Variants in HS6ST2 observed in about 807,000 individuals in gnomAD.
The protein encoded by HS6ST2 is heparan-sulfate 6-O-sulfotransferase 2.
HS6ST2 carries 17 observed loss-of-function variants against 33.0 expected under a neutral mutation model. The observed-to-expected ratio is 0.52, with a 90% CI of 0.35 to 0.77. The LOEUF is 0.77. HS6ST2 is among the 30% of genes least tolerant of loss of function. The pLI is 0.01. For synonymous variants in HS6ST2, 248 were observed against 237.1 expected (o/e 1.05, Z -0.42); for missense variants, 519 against 551.7 (o/e 0.94, Z 0.59).
intron 3 of HS6ST2, among the ~76,000 whole-genome samples, chrX:132,694,154 C>T (rs2064086743): frequency 9.0e-6 from 1 of 111,503 alleles, no homozygotes; most frequent in Non-Finnish European, 1.9e-5. Context: ...CAGACTCGAG[C>T]GGTGCACAGC....
intron 2 of HS6ST2, among the ~76,000 whole-genome samples, chrX:132,886,971 C>A (rs2066259252): frequency 9.1e-6 from 1 of 110,420 alleles, no homozygotes; most frequent in African/African-American, 3.3e-5. Flanking sequence ...CCCGTCTCTA[C>A]TAAAAATACA....
intron 2 of HS6ST2, among the ~76,000 whole-genome samples, chrX:132,756,870 G>A (rs770494537): frequency 9.4e-6 from 1 of 106,287 alleles, no homozygotes; most frequent in South Asian, 4.4e-4. Flanking sequence ...TTCAGTACCC[G>A]AGAGTCATGA....
At chrX:132,887,027 C>A (rs1471736082) in intron 2 of HS6ST2, among the ~76,000 whole-genome samples, 1 of 110,198 alleles carries the variant, frequency 9.1e-6, no homozygotes, top group Non-Finnish European at 1.9e-5. Flanking sequence ...CCCAGCTACT[C>A]AGGAGGCTGA....
At chrX:132,812,411 T>TAATAAC (rs776005215) in intron 2 of HS6ST2, among the ~76,000 whole-genome samples, 1,575 of 72,107 alleles carry the variant, frequency 0.022, 13 homozygotes, top group Middle Eastern at 0.045. Context: ...TCTCAAATAA[T>TAATAAC]AATAATAATA....
chrX:132,959,111 G>A (rs1013305572), upstream of HS6ST2, among the ~76,000 whole-genome samples: 11 of 111,473 alleles, frequency 9.9e-5, no homozygotes, highest in African/African-American at 3.3e-4. Flanking sequence ...CTGAGGCCCA[G>A]AGAGGGGTAG....
chrX:132,937,174 T>C (rs903388604), intron 2 of HS6ST2, among the ~76,000 whole-genome samples: 1 of 110,917 alleles, frequency 9.0e-6, no homozygotes, highest in African/African-American at 3.3e-5. Flanking sequence ...ATAAAAACAA[T>C]AAAACTCTGA....
At chrX:132,831,724 GT>G (rs2065592198) in intron 2 of HS6ST2, among the ~76,000 whole-genome samples, 1 of 112,281 alleles carries the variant, frequency 8.9e-6, no homozygotes, top group South Asian at 3.7e-4. Flanking sequence ...GGGCAACAAT[GT>G]TTCTCTTCAC....
intron 2 of HS6ST2, among the ~76,000 whole-genome samples, chrX:132,772,918 T>C (rs1207138165): frequency 2.3e-5 from 2 of 85,123 alleles, no homozygotes; most frequent in East Asian, 3.5e-4. Context: ...TAATATATTT[T>C]ATATAATCCA....
chrX:132,940,778 C>T (rs2066878419), intron 2 of HS6ST2, among the ~76,000 whole-genome samples: 1 of 111,783 alleles, frequency 8.9e-6, no homozygotes, highest in Admixed American at 9.5e-5. Flanking sequence ...GCTGATACCA[C>T]ATCTCTCCAT....
intron 2 of HS6ST2, among the ~76,000 whole-genome samples, chrX:132,753,917 T>C (rs765397036): frequency 8.9e-5 from 10 of 112,602 alleles, no homozygotes; most frequent in Non-Finnish European, 1.3e-4. Context: ...TGAGTTCCCA[T>C]AAGCCCCACA....
intron 4 of HS6ST2, among the ~76,000 whole-genome samples, chrX:132,665,651 A>G (rs1323225191): frequency 1.8e-5 from 2 of 111,573 alleles, no homozygotes; most frequent in Non-Finnish European, 3.8e-5. Context: ...AAAGGGAACC[A>G]TATGTGAGGC....
At chrX:132,798,018 A>G (rs2065200025) in intron 2 of HS6ST2, among the ~76,000 whole-genome samples, 1 of 83,887 alleles carries the variant, frequency 1.2e-5, no homozygotes, top group Non-Finnish European at 2.2e-5. Context: ...GTCTCAAAAA[A>G]AAAAAAAAAA....
chrX:132,650,439 T>C (rs1402430394), intron 4 of HS6ST2, among the ~76,000 whole-genome samples: 1 of 111,648 alleles, frequency 9.0e-6, no homozygotes, highest in Non-Finnish European at 1.9e-5. Flanking sequence ...AACTTAGTGA[T>C]AAATTGTGGA....
intron 2 of HS6ST2, among the ~76,000 whole-genome samples, chrX:132,801,595 T>C (rs1400999556): frequency 9.0e-6 from 1 of 111,703 alleles, no homozygotes; most frequent in Non-Finnish European, 1.9e-5. Flanking sequence ...TGCTATCTGT[T>C]TCCTTCCTCC....
At chrX:132,696,342 A>G (rs947907334) in intron 3 of HS6ST2, among the ~76,000 whole-genome samples, 10 of 111,828 alleles carry the variant, frequency 8.9e-5, no homozygotes, top group Admixed American at 5.7e-4. Context: ...GAGTAGAACC[A>G]GGGAGTTGGT....
chrX:132,680,907 G>A (rs944348716), intron 3 of HS6ST2, among the ~76,000 whole-genome samples: 3 of 110,375 alleles, frequency 2.7e-5, no homozygotes, highest in Non-Finnish European at 3.8e-5. Context: ...GGCTGAGGCA[G>A]GATAATCACT....
intron 2 of HS6ST2, among the ~76,000 whole-genome samples, chrX:132,825,958 T>C (rs1179350714): frequency 8.9e-6 from 1 of 112,236 alleles, no homozygotes; most frequent in Non-Finnish European, 1.9e-5. Flanking sequence ...CTCAGACAAA[T>C]ATTATACTTT....
At chrX:132,637,823 TA>T (rs1332883275) in intron 4 of HS6ST2, among the ~76,000 whole-genome samples, 8 of 61,115 alleles carry the variant, frequency 1.3e-4, no homozygotes, top group East Asian at 4.5e-4. Context: ...TTTATATATA[TA>T]ATATTATATA....
chrX:132,959,497 C>CT (rs1393055762), upstream of HS6ST2, among the ~76,000 whole-genome samples: 1 of 112,261 alleles, frequency 8.9e-6, no homozygotes, highest in East Asian at 2.8e-4. Context: ...GCTGTTGGCA[C>CT]TGGGGCCACT....
Sources: gnomAD v4.1 joint callset for allele counts (sites outside exome capture counted in the v4.1 genomes callset) on GRCh38, gnomAD v4.1.1 for gene constraint, MANE v1.5 for transcripts, NCBI Gene and HGNC (gene_info 2026-07-23, HGNC 2026-07-21) for gene names.